KCNIP4: variants seen among roughly 807,000 people sequenced by gnomAD.
KCNIP4 encodes the protein potassium voltage-gated channel interacting protein 4, also known as Kv channel-interacting protein 4.
Under a neutral mutation model 34.0 loss-of-function variants are expected in KCNIP4, and 12 were observed. That is an observed-to-expected ratio of 0.35 (90% confidence interval 0.23 to 0.57). KCNIP4 has a LOEUF of 0.57. Among genes scored for constraint, KCNIP4 ranks in the 20% least tolerant of loss-of-function variants. The pLI is 0.83. For missense variants in KCNIP4, 238 were observed against 311.7 expected (o/e 0.76, Z 1.78); for synonymous variants, 124 against 102.2 (o/e 1.21, Z -1.29).
chr4:21,405,575 A>G (rs1240336233), intron 1 of KCNIP4, among the ~76,000 whole-genome samples: 3 of 152,218 alleles, frequency 2.0e-5, no homozygotes, highest in Non-Finnish European at 4.4e-5. Context: ...TTTCTAGTTC[A>G]GCAACTTGCT....
chr4:21,154,233 C>G (rs1005579532), intron 1 of KCNIP4, among the ~76,000 whole-genome samples: 1 of 152,078 alleles, frequency 6.6e-6, no homozygotes, highest in South Asian at 2.1e-4. Context: ...ATGATGGATA[C>G]CCCAGTTACC....
intron 1 of KCNIP4, chr4:21,730,088 G>T (rs1291451133): frequency 1.3e-5 from 2 of 152,170 alleles, no homozygotes; most frequent in African/African-American, 2.4e-5. Context: ...ATTTGTTTCA[G>T]GTGGGAGGTA....
intron 1 of KCNIP4, among the ~76,000 whole-genome samples, chr4:21,172,331 C>T (rs1754075570): frequency 6.6e-6 from 1 of 152,082 alleles, no homozygotes; most frequent in African/African-American, 2.4e-5. Context: ...TGTGCCCAGC[C>T]TATTCTGAAT....
rs75023596 is a variant in KCNIP4 at position 21,315,796 on chromosome 4, T to A, written c.62-433087A>T. On this transcript the variant is annotated intron_variant, in intron 1 of 8. Coordinates refer to ENST00000382152, the MANE Select transcript of KCNIP4 (RefSeq NM_025221.6). ...CTTCCCTTCTGATCTACCCACTGTA[T>A]ACCTTGTTGTCAAAGTGAAAGGAAC... Among the ~76,000 whole-genome samples, 440 of 152,302 alleles carry A rather than the reference T, an allele frequency of 2.9e-3. 3 individuals carry two copies. The highest frequency in any genetic ancestry group is 8.8e-3 in the African/African-American group (366 of 41,570).
chr4:21,228,654 C>T (rs1363182577), intron 1 of KCNIP4, among the ~76,000 whole-genome samples: 2 of 152,152 alleles, frequency 1.3e-5, no homozygotes, highest in African/African-American at 4.8e-5. Flanking sequence ...TCTCTTCTTC[C>T]TTCATCTTTG....
At chr4:21,628,802 A>G (rs1745513711) in intron 1 of KCNIP4, among the ~76,000 whole-genome samples, 1 of 152,234 alleles carries the variant, frequency 6.6e-6, no homozygotes, top group Admixed American at 6.5e-5. Context: ...ATATTTAACC[A>G]ATCACTATTG....
At chr4:21,793,508 T>C (rs1028428038) in intron 1 of KCNIP4, among the ~76,000 whole-genome samples, 5 of 152,180 alleles carry the variant, frequency 3.3e-5, no homozygotes, top group East Asian at 3.9e-4. Context: ...TCCACCCACC[T>C]CGACCTCCCA....
chr4:20,877,297 T>C (rs1446688820), intron 2 of KCNIP4, among the ~76,000 whole-genome samples: 3 of 152,246 alleles, frequency 2.0e-5, no homozygotes, highest in African/African-American at 7.2e-5. Context: ...ACTTTCGTTC[T>C]TGCTAACACT....
chr4:21,339,481 C>T (rs906615496), intron 1 of KCNIP4, among the ~76,000 whole-genome samples: 1 of 152,146 alleles, frequency 6.6e-6, no homozygotes, highest in African/African-American at 2.4e-5. Flanking sequence ...AAGGTTACAA[C>T]CATACCTTAA....
chr4:21,856,843 G>A (rs534441869), intron 1 of KCNIP4, among the ~76,000 whole-genome samples: 1 of 152,290 alleles, frequency 6.6e-6, no homozygotes, highest in African/African-American at 2.4e-5. Flanking sequence ...GAGCCTGAGT[G>A]CTGTCACAAC....
chr4:20,932,602 T>C (rs1730593533), intron 1 of KCNIP4, among the ~76,000 whole-genome samples: 1 of 152,118 alleles, frequency 6.6e-6, no homozygotes, highest in Non-Finnish European at 1.5e-5. Context: ...AGATGATAGA[T>C]ACGTTAATTT....
chr4:21,629,438 G>A (rs139131146), intron 1 of KCNIP4, among the ~76,000 whole-genome samples: 1 of 152,276 alleles, frequency 6.6e-6, no homozygotes, highest in Non-Finnish European at 1.5e-5. Flanking sequence ...CAAGAAGGCT[G>A]TCAGCTGTAG....
intron 1 of KCNIP4, among the ~76,000 whole-genome samples, chr4:21,554,553 T>C (rs1738835276): frequency 6.6e-6 from 1 of 152,126 alleles, no homozygotes; most frequent in Non-Finnish European, 1.5e-5. Flanking sequence ...AGAACTAAAT[T>C]CAGTTTGTCC....
At chr4:21,237,932 A>G (rs1260287624) in intron 1 of KCNIP4, among the ~76,000 whole-genome samples, 1 of 152,230 alleles carries the variant, frequency 6.6e-6, no homozygotes, top group African/African-American at 2.4e-5. Context: ...ACAAAAAAAT[A>G]GAATTTTAGA....
At chr4:20,750,754 T>C (rs1313425800) in intron 4 of KCNIP4, among the ~76,000 whole-genome samples, 1 of 152,236 alleles carries the variant, frequency 6.6e-6, no homozygotes, top group Non-Finnish European at 1.5e-5. Flanking sequence ...TTGCATCTCA[T>C]GGGCTTTAGC....
rs137874316 is a variant in KCNIP4 at position 21,279,883 on chromosome 4, T to C, written c.62-397174A>G. ...CTTAAAATTTTTTTCCATGTTAAGA[T>C]ACAACATCTCACAAAGCAGCACTTT... On this transcript the variant is annotated intron_variant, in intron 1 of 8. Coordinates refer to ENST00000382152, the MANE Select transcript of KCNIP4 (RefSeq NM_025221.6). Among the ~76,000 whole-genome samples the C allele has an allele frequency of 5.3e-5, 8 of 152,278 alleles. No individual in the cohort carries two copies. In the East Asian group the frequency reaches 1.5e-3, roughly 29 times the overall value.
chr4:20,742,324 T>C lies in KCNIP4; in HGVS notation c.429+7338A>G, dbSNP rs1469269180. On this transcript the variant is annotated intron_variant, in intron 5 of 8. Transcript: ENST00000382152. ...ATCGATGCAAAAATCCTCAATAAAA[T>C]ATTAGCAAACCGAATCCAGCAGCAC... 3.3e-5 allele frequency among the ~76,000 whole-genome samples: 5 copies of C among 152,178 alleles called. No homozygotes were observed. In the East Asian group the frequency reaches 7.7e-4, roughly 23 times the overall value.
intron 1 of KCNIP4, among the ~76,000 whole-genome samples, chr4:21,549,176 T>A (rs1313353114): frequency 1.3e-5 from 2 of 152,016 alleles, no homozygotes; most frequent in African/African-American, 4.8e-5. Flanking sequence ...GCACACAAGA[T>A]AGCCACAATT....
At chr4:21,157,709 T>C (rs1469163353) in intron 1 of KCNIP4, among the ~76,000 whole-genome samples, 1 of 152,132 alleles carries the variant, frequency 6.6e-6, no homozygotes, top group Non-Finnish European at 1.5e-5. Flanking sequence ...ACTAAATATC[T>C]ATGTTCGATA....
Sources: allele counts gnomAD v4.1 joint callset (sites outside exome capture counted in the v4.1 genomes callset), GRCh38; gene constraint gnomAD v4.1.1; transcripts MANE v1.5; gene names NCBI Gene and HGNC (gene_info 2026-07-23, HGNC 2026-07-21).